ASH1L: variants seen among roughly 807,000 people sequenced by gnomAD.
The protein encoded by ASH1L is ASH1 like histone lysine methyltransferase, also known as histone-lysine N-methyltransferase ASH1L.
ASH1L carries 23 observed loss-of-function variants against 269.0 expected under a neutral mutation model. The observed-to-expected ratio is 0.09, with a 90% confidence interval of 0.06 to 0.12. The LOEUF is 0.12. ASH1L is among the 10% of genes least tolerant of loss of function. ASH1L has a pLI of 1.00. For synonymous variants in ASH1L, 1,187 were observed against 1,253.5 expected (o/e 0.95, Z 1.12); for missense variants, 2,912 against 3,567.8 (o/e 0.82, Z 4.68).
At chr1:155,365,823 C>T (rs1655369891) in intron 12 of ASH1L, among the ~76,000 whole-genome samples, 1 of 152,190 alleles carries the variant, frequency 6.6e-6, no homozygotes, top group African/African-American at 2.4e-5. Context: ...CCTTACCATA[C>T]TGACACTTTC....
At chr1:155,431,335 G>A (rs1342406270) in intron 5 of ASH1L, among the ~76,000 whole-genome samples, 3 of 151,854 alleles carry the variant, frequency 2.0e-5, no homozygotes, top group Non-Finnish European at 4.4e-5. Context: ...CTGTCACCAA[G>A]GCTGGAGTGC....
intron 2 of ASH1L, among the ~76,000 whole-genome samples, chr1:155,498,060 A>G (rs892769768): frequency 1.3e-5 from 2 of 152,118 alleles, no homozygotes; most frequent in Non-Finnish European, 2.9e-5. Context: ...CCAAAAGAAA[A>G]TTCTAACGAA....
rs201876504 is a variant in ASH1L at position 155,477,943 on chromosome 1, G to C, written c.4927C>G (p.Arg1643Gly). 1 of 1,614,114 alleles carries C rather than the reference G, an allele frequency of 6.2e-7. No homozygotes were observed. The highest frequency in any genetic ancestry group is 8.5e-7 in the Non-Finnish European group (1 of 1,179,938). ...LFSAQDTSLN[R>G]LHRKESLPSN... ...GGCAGTGACTCCTTTCTGTGAAGCC[G>C]ATTTAGTGAAGTGTCCTGTGCAGAA... is the stretch of plus-strand genomic sequence containing the variant. The change falls in exon 3 of 28, where the codon CGG becomes GGG. Residue 1643 changes from arginine (R) to glycine (G), a missense_variant. Transcript: ENST00000392403.
intron 2 of ASH1L, among the ~76,000 whole-genome samples, chr1:155,491,265 C>T (rs1480859173): frequency 1.3e-5 from 2 of 152,084 alleles, no homozygotes; most frequent in African/African-American, 2.4e-5. Context: ...AAGTTAAAAT[C>T]TTAAACAAAA....
At chr1:155,430,039 G>A (rs559627413) in intron 5 of ASH1L, among the ~76,000 whole-genome samples, 1 of 151,628 alleles carries the variant, frequency 6.6e-6, no homozygotes, top group Non-Finnish European at 1.5e-5. Context: ...GCACTGATGC[G>A]ATCTCAGCTC....
chr1:155,395,496 C>G lies in ASH1L; in HGVS notation c.6066G>C (p.Glu2022Asp). 1.2e-6 allele frequency: 2 copies of G among 1,611,708 alleles called. No individual in the cohort carries two copies. The highest frequency in any genetic ancestry group is 2.2e-5 in the South Asian group (2 of 90,722). ...KKEKLEYTPG[E>D]HEYGLFPAPI... ...GCGCTGGAAATAATCCATATTCATG[C>G]TCTCCTGGAGTATACTCCAGCTTCT... is the stretch of plus-strand genomic sequence containing the variant. Residue 2022 changes from glutamate (E) to aspartate (D), a missense_variant, in exon 7 of 28, where the codon GAG becomes GAC. Transcript: ENST00000392403.
intron 2 of ASH1L, among the ~76,000 whole-genome samples, chr1:155,505,959 G>C (rs1011609032): frequency 4.6e-5 from 7 of 152,114 alleles, no homozygotes; most frequent in African/African-American, 1.7e-4. Context: ...ATTTACATTA[G>C]GTATATCTCC....
chr1:155,427,161 G>A (rs1214065350), intron 5 of ASH1L, among the ~76,000 whole-genome samples: 1 of 134,376 alleles, frequency 7.4e-6, no homozygotes, highest in Admixed American at 8.1e-5. Flanking sequence ...TTGAGACAGA[G>A]TCTCGCTCTG....
intron 5 of ASH1L, among the ~76,000 whole-genome samples, chr1:155,422,127 T>C (rs1266822509): frequency 6.6e-6 from 1 of 152,136 alleles, no homozygotes; most frequent in Non-Finnish European, 1.5e-5. Context: ...TCCACTTGTG[T>C]CTGGCTTACT....
In ASH1L at chr1:155,389,810, T is replaced by C. The variant is rs118157244; in HGVS notation, c.6103+5649A>G. Among the ~76,000 whole-genome samples the C allele has an allele frequency of 2.6e-4, 40 of 151,434 alleles. 1 individual carries two copies. The East Asian group carries it at 7.6e-3, about 29-fold the overall frequency. On this transcript the variant is annotated intron_variant, in intron 7 of 27. Transcript: ENST00000392403. ...AATGTTCAGAGTATATTAAGTTTTA[T>C]AAGAATACAATTGATTTTTTAATAC...
intron 4 of ASH1L, among the ~76,000 whole-genome samples, chr1:155,458,056 G>A: frequency 6.6e-6 from 1 of 152,158 alleles, no homozygotes; most frequent in South Asian, 2.1e-4. Flanking sequence ...GCCTTGGACT[G>A]CATTTGGCCC....
At chr1:155,532,537 C>T (rs1452131049) in intron 1 of ASH1L, among the ~76,000 whole-genome samples, 4 of 152,050 alleles carry the variant, frequency 2.6e-5, no homozygotes, top group African/African-American at 9.7e-5. Flanking sequence ...ATATAGTGGT[C>T]TGGGCTGGGC....
At chr1:155,492,007 C>A (rs1233830386) in intron 2 of ASH1L, among the ~76,000 whole-genome samples, 2 of 147,492 alleles carry the variant, frequency 1.4e-5, no homozygotes, top group Non-Finnish European at 3.0e-5. Context: ...TATATTCCAG[C>A]CTAAGGTGGA....
intron 5 of ASH1L, chr1:155,433,633 G>C: frequency 6.2e-7 from 1 of 1,608,068 alleles, no homozygotes; most frequent in Non-Finnish European, 8.5e-7. Flanking sequence ...AATTTGCCAA[G>C]CTCCTGAAGC....
Position 155,492,916 on chromosome 1 carries a change from C to A in ASH1L, c.421-10467G>T, listed in dbSNP as rs142526672. On this transcript the variant is annotated intron_variant, in intron 2 of 27. Coordinates refer to ENST00000392403, the MANE Select transcript of ASH1L (RefSeq NM_018489.3). Reference sequence around the variant, plus strand: ...CAGCTTGCCACAACTTTTGCCCCCCCAAGCTCTAGCCAACATCCCACCTCA... The same window carrying A: ...CAGCTTGCCACAACTTTTGCCCCCCAAAGCTCTAGCCAACATCCCACCTCA... Among the ~76,000 whole-genome samples the A allele has an allele frequency of 1.7e-3, 253 of 152,198 alleles. 1 individual carries two copies. The highest frequency in any genetic ancestry group is 5.8e-3 in the African/African-American group (242 of 41,546).
chr1:155,421,488 C>A (rs1055138130), intron 5 of ASH1L, among the ~76,000 whole-genome samples: 1 of 151,286 alleles, frequency 6.6e-6, no homozygotes, highest in Non-Finnish European at 1.5e-5. Context: ...CTGGCTAACA[C>A]GGTGAAACCC....
chr1:155,522,355 C>T (rs750813605), intron 1 of ASH1L, among the ~76,000 whole-genome samples: 14 of 152,136 alleles, frequency 9.2e-5, no homozygotes, highest in Non-Finnish European at 1.8e-4. Flanking sequence ...TCTGAAAATA[C>T]AGTATTCAAC....
intron 1 of ASH1L, among the ~76,000 whole-genome samples, chr1:155,558,851 C>CTTTTTTT (rs1227615811): frequency 7.3e-6 from 1 of 136,148 alleles, no homozygotes; most frequent in Admixed American, 7.4e-5. Context: ...TTTTTCTTTT[C>CTTTTTTT]TTTTTTTTTT....
chr1:155,458,807 T>C (rs1449956414), intron 4 of ASH1L, among the ~76,000 whole-genome samples: 1 of 152,192 alleles, frequency 6.6e-6, no homozygotes, highest in Non-Finnish European at 1.5e-5. Flanking sequence ...CTGAACACTC[T>C]AAATTCTCTT....
Sources: gnomAD v4.1 joint callset for allele counts (sites outside exome capture counted in the v4.1 genomes callset) on GRCh38, gnomAD v4.1.1 for gene constraint, MANE v1.5 for transcripts, NCBI Gene and HGNC (gene_info 2026-07-23, HGNC 2026-07-21) for gene names.